Variants in CGNL1 observed in about 807,000 individuals in gnomAD.
CGNL1 encodes the protein cingulin like 1.
In CGNL1, 132 loss-of-function variants were observed where a neutral mutation model predicts 141.2. The observed-to-expected ratio is 0.93, with a 90% CI of 0.81 to 1.08. The LOEUF (loss-of-function observed/expected upper bound fraction) is 1.08, where lower values mean the gene tolerates loss of function less well. CGNL1 is among the 50% of genes least tolerant of loss of function. The pLI is 0.00. For missense variants in CGNL1, 1,870 were observed against 1,588.6 expected (o/e 1.18, Z -3.01); for synonymous variants, 690 against 622.1 (o/e 1.11, Z -1.63).
Position 57,442,446 on chromosome 15 carries a change from C to T in CGNL1, c.1771C>T (p.Arg591Ter), listed in dbSNP as rs757625323. The T allele has an allele frequency of 7.4e-6, 12 of 1,613,104 alleles. No individual in the cohort carries two copies. The highest frequency in any genetic ancestry group is 4.0e-5 in the African/African-American group (3 of 74,890). ...TGAGAAAATCCAGACCTTAAAGTCT[C>T]GAGCAGCTGGGAGCGCCCAAGGAAA... is the stretch of plus-strand genomic sequence containing the variant. ...VFEKIQTLKSRAAGSAQGNNQ... is the reference protein window; with the variant it reads ...VFEKIQTLKS The change falls in exon 4 of 19, where the codon CGA (arginine) becomes TGA (stop). Residue 591 changes from arginine (R) to a stop codon, truncating the protein, a stop_gained. Transcript: ENST00000281282. LOFTEE classifies it high-confidence loss of function.
In CGNL1 at chr15:57,438,054, C is replaced by A; in HGVS notation, c.55C>A (p.Leu19Met). 1.2e-6 allele frequency: 2 copies of A among 1,614,010 alleles called. No homozygotes were observed. Among genetic ancestry groups the A allele is most frequent in the East Asian group, 2.2e-5 (1 of 44,888 alleles). Residue 19 changes from leucine (L) to methionine (M), a missense_variant, in exon 2 of 19, where the codon CTG becomes ATG. By Grantham distance (15) the Leu-to-Met change is conservative (BLOSUM62 2). Coordinates refer to ENST00000281282, the MANE Select transcript of CGNL1 (RefSeq NM_032866.5). ...TGTGCAGCAGGAATATGGGGTCCAT[C>A]TGAGACTCGCAAGTGATGATACCCA... ...QHVQQEYGVH[L>M]RLASDDTQKS...
At chr15:57,377,431 G>T (rs1181144621) in intron 1 of CGNL1, among the ~76,000 whole-genome samples, 1 of 152,142 alleles carries the variant, frequency 6.6e-6, no homozygotes, top group Non-Finnish European at 1.5e-5. Context: ...CTGGACAATG[G>T]AATTTTTAAG....
chr15:57,518,243 T>C (rs2030982094), intron 9 of CGNL1, 150 bp from the exon 10 acceptor site: 1 of 616,866 alleles, frequency 1.6e-6, no homozygotes, highest in Admixed American at 2.8e-5. Flanking sequence ...ACACGGCTGT[T>C]GTGTGCCACC....
intron 8 of CGNL1, among the ~76,000 whole-genome samples, chr15:57,490,627 C>G (rs575794696): frequency 6.6e-6 from 1 of 152,270 alleles, no homozygotes; most frequent in African/African-American, 2.4e-5. Context: ...TGGAAGAGTT[C>G]CAAATAATTT....
At chr15:57,434,732 G>T (rs1419136193) in intron 1 of CGNL1, among the ~76,000 whole-genome samples, 1 of 152,138 alleles carries the variant, frequency 6.6e-6, no homozygotes, top group Non-Finnish European at 1.5e-5. Context: ...AGTTTGCAAA[G>T]CTTTAAAAAA....
chr15:57,535,640 T>C (rs1400213673), intron 14 of CGNL1, among the ~76,000 whole-genome samples: 1 of 152,176 alleles, frequency 6.6e-6, no homozygotes, highest in Non-Finnish European at 1.5e-5. Context: ...CCAGTTTCCA[T>C]AGGAAATGAA....
intron 1 of CGNL1, among the ~76,000 whole-genome samples, chr15:57,424,230 C>T (rs777754403): frequency 6.6e-6 from 1 of 152,184 alleles, no homozygotes; most frequent in Non-Finnish European, 1.5e-5. Flanking sequence ...GTTGTTCTCT[C>T]TACCTGGCAC....
intron 15 of CGNL1, among the ~76,000 whole-genome samples, chr15:57,543,991 T>A (rs1240889797): frequency 6.6e-6 from 1 of 152,184 alleles, no homozygotes; most frequent in East Asian, 1.9e-4. Context: ...TTGCATGTGT[T>A]ATTTTCTAGA....
chr15:57,468,830 C>T (rs538541089), intron 8 of CGNL1, among the ~76,000 whole-genome samples: 1 of 152,156 alleles, frequency 6.6e-6, no homozygotes, highest in African/African-American at 2.4e-5. Flanking sequence ...CCATACTGTT[C>T]TCATGGTAGT....
intron 8 of CGNL1, among the ~76,000 whole-genome samples, chr15:57,462,621 A>G (rs915082237): frequency 1.3e-5 from 2 of 152,218 alleles, no homozygotes; most frequent in Non-Finnish European, 2.9e-5. Context: ...TAGGTTAAAA[A>G]TGATGAAGAA....
chr15:57,394,105 G>GTTTTTTTTTTTTTTTTTT (rs1491022136), intron 1 of CGNL1: 1 of 28,658 alleles, frequency 3.5e-5, no homozygotes, highest in Non-Finnish European at 7.8e-5. Context: ...ATTTCTGTTT[G>GTTTTTTTTTTTTTTTTTT]TTTTTTTTTT....
In CGNL1 at chr15:57,439,122, C is replaced by G. The variant is rs761630658; in HGVS notation, c.1123C>G (p.Arg375Gly). Residue 375 changes from arginine (R) to glycine (G), a missense_variant, in exon 2 of 19, where the codon CGA (arginine) becomes GGA (glycine). Transcript: ENST00000281282. Reference sequence around the variant, plus strand: ...TCAGAGAAGAGGAAGGTCTGGGAAGCGAAACAGAATTAATACAGATGACAG... The same window carrying G: ...TCAGAGAAGAGGAAGGTCTGGGAAGGGAAACAGAATTAATACAGATGACAG... Reference protein sequence around the residue: ...GLQRRGRSGKRNRINTDDRKR... With the variant: ...GLQRRGRSGKGNRINTDDRKR... The G allele has an allele frequency of 6.2e-7, 1 of 1,614,158 alleles. No individual in the cohort carries two copies. Among genetic ancestry groups the G allele is most frequent in the African/African-American group, 1.3e-5 (1 of 75,022 alleles).
chr15:57,528,449 G>T (rs547800449), intron 12 of CGNL1, among the ~76,000 whole-genome samples: 1 of 152,086 alleles, frequency 6.6e-6, no homozygotes, highest in Non-Finnish European at 1.5e-5. Context: ...ATAGGTTGCT[G>T]CCTGTAGCTG....
At chr15:57,471,675 G>T (rs898066038) in intron 8 of CGNL1, among the ~76,000 whole-genome samples, 3 of 152,206 alleles carry the variant, frequency 2.0e-5, no homozygotes, top group Non-Finnish European at 4.4e-5. Flanking sequence ...GAGGGCCCTT[G>T]CCTGTTTCCC....
intron 8 of CGNL1, among the ~76,000 whole-genome samples, chr15:57,463,314 A>G (rs1165607587): frequency 6.6e-6 from 1 of 152,194 alleles, no homozygotes; most frequent in Non-Finnish European, 1.5e-5. Context: ...GTGAAAGGAT[A>G]TCTTTGTTGT....
chr15:57,380,118 C>T (rs543715807), intron 1 of CGNL1, among the ~76,000 whole-genome samples: 153 of 152,270 alleles, frequency 1.0e-3, no homozygotes, highest in Non-Finnish European at 1.5e-3. Context: ...CTGCAACCTC[C>T]GCCTCCCGGG....
intron 7 of CGNL1, among the ~76,000 whole-genome samples, chr15:57,459,740 C>T (rs536126252): frequency 3.9e-5 from 6 of 152,080 alleles, no homozygotes; most frequent in South Asian, 2.1e-4. Context: ...GAGACTAGGA[C>T]GAGAGAAAGT....
At chr15:57,444,273 G>T (rs887215492) in intron 4 of CGNL1, among the ~76,000 whole-genome samples, 5 of 151,842 alleles carry the variant, frequency 3.3e-5, no homozygotes, top group African/African-American at 1.2e-4. Context: ...TGTACTCGTA[G>T]TTTTTTTTGG....
chr15:57,438,643 C>A lies in CGNL1; in HGVS notation c.644C>A (p.Ala215Asp), dbSNP rs1453937908. The A allele has an allele frequency of 1.9e-6, 3 of 1,614,016 alleles. No individual in the cohort carries two copies. In the African/African-American group the frequency reaches 4.0e-5, roughly 22 times the overall value. Residue 215 changes from alanine (A) to aspartate (D), a missense_variant, in exon 2 of 19, where the codon GCT becomes GAT. By Grantham distance (126) the Ala-to-Asp change is moderately radical. Coordinates refer to ENST00000281282, the MANE Select transcript of CGNL1 (RefSeq NM_032866.5). ...GACCCGGCCAAATCTGGTGTGACAG[C>A]TATTCGTTTATGCAGCTCCGTGGTC... The part of the protein sequence containing the change: ...LEDPAKSGVT[A>D]IRLCSSVVIE...
Sources: allele counts gnomAD v4.1 joint callset (sites outside exome capture counted in the v4.1 genomes callset), GRCh38; gene constraint gnomAD v4.1.1; transcripts MANE v1.5; gene names NCBI Gene and HGNC (gene_info 2026-07-23, HGNC 2026-07-21).